METTL15: variants seen among roughly 807,000 people sequenced by gnomAD.
METTL15 encodes 12S rRNA N(4)-cytidine methyltransferase METTL15.
A neutral mutation model predicts 38.3 loss-of-function variants in METTL15; 34 were observed. The ratio of observed to expected loss-of-function variants is 0.89; its 90% CI spans 0.68 to 1.18. METTL15 has a LOEUF of 1.18. Among genes scored for constraint, METTL15 ranks in the 50% most tolerant of loss-of-function variants. The probability of loss-of-function intolerance (pLI) is 0.00; values close to 1 mark genes in which losing one functional copy is unlikely to be tolerated. For synonymous variants in METTL15, 162 were observed against 170.9 expected (o/e 0.95, Z 0.41); for missense variants, 438 against 498.4 (o/e 0.88, Z 1.15).
intron 3 of METTL15, among the ~76,000 whole-genome samples, chr11:28,181,259 A>ATTTTTTTTTTTTTTTTTTTTTTTTTTTTT (rs71449171): frequency 3.0e-5 from 4 of 133,796 alleles, no homozygotes; most frequent in Non-Finnish European, 3.2e-5. Flanking sequence ...TTAATTTTTA[A>ATTTTTTTTTTTTTTTTTTTTTTTTTTTTT]TTTTTTTTTT....
At chr11:28,213,798 G>C (rs1244515610) in intron 4 of METTL15, among the ~76,000 whole-genome samples, 1 of 151,690 alleles carries the variant, frequency 6.6e-6, no homozygotes, top group Non-Finnish European at 1.5e-5. Context: ...TGGGACTATA[G>C]GCGCTTGTCA....
chr11:28,204,848 C>T (rs987593285), intron 3 of METTL15, among the ~76,000 whole-genome samples: 2 of 151,628 alleles, frequency 1.3e-5, no homozygotes, highest in Admixed American at 6.6e-5. Flanking sequence ...GATTTCTTTA[C>T]GATTATACAG....
intron 6 of METTL15, among the ~76,000 whole-genome samples, chr11:28,468,868 G>A (rs1851279520): frequency 6.6e-6 from 1 of 152,088 alleles, no homozygotes. Flanking sequence ...TGAATCCCAG[G>A]TGGCACTCAG....
chr11:28,491,564 AAT>A (rs1851494795), intron 6 of METTL15, among the ~76,000 whole-genome samples: 2 of 152,024 alleles, frequency 1.3e-5, no homozygotes, highest in African/African-American at 2.4e-5. Context: ...CAGTTGCAAA[AAT>A]AGAGGGGCAG....
intron 4 of METTL15, among the ~76,000 whole-genome samples, chr11:28,271,214 C>G (rs1433604042): frequency 6.6e-6 from 1 of 152,020 alleles, no homozygotes; most frequent in Non-Finnish European, 1.5e-5. Flanking sequence ...CCACAAATAC[C>G]CTTACAATAA....
chr11:28,199,916 G>T (rs1289635568), intron 3 of METTL15, among the ~76,000 whole-genome samples: 1 of 151,792 alleles, frequency 6.6e-6, no homozygotes, highest in Non-Finnish European at 1.5e-5. Context: ...GTAATTTTTT[G>T]TATTTTTAGT....
At chr11:28,302,683 A>G (rs1245128733) in intron 6 of METTL15, among the ~76,000 whole-genome samples, 1 of 152,144 alleles carries the variant, frequency 6.6e-6, no homozygotes, top group Non-Finnish European at 1.5e-5. Context: ...AGTCTTGGGT[A>G]TGTCTTTATC....
rs1387339312 is a variant in METTL15 at position 28,238,633 on chromosome 11, G to T, written c.407+27435G>T. 2.6e-5 allele frequency among the ~76,000 whole-genome samples: 4 copies of T among 152,206 alleles called. No individual in the cohort carries two copies. The East Asian group carries it at 5.8e-4, about 22-fold the overall frequency. On this transcript the variant is annotated intron_variant, in intron 4 of 6. Coordinates refer to ENST00000407364, the MANE Select transcript of METTL15 (RefSeq NM_001113528.2). ...ACCCACTGTCCTGCGCCCACTGTCT[G>T]GCACTCCCTAGTGAGATGAACCCGG...
intron 4 of METTL15, among the ~76,000 whole-genome samples, chr11:28,284,834 AT>A (rs1231446523): frequency 1.3e-5 from 2 of 152,096 alleles, no homozygotes; most frequent in African/African-American, 2.4e-5. Context: ...CATGGAGAAT[AT>A]TTTTTTATAT....
At chr11:28,426,018 G>C (rs1850861094) in intron 6 of METTL15, among the ~76,000 whole-genome samples, 1 of 152,100 alleles carries the variant, frequency 6.6e-6, no homozygotes, top group Non-Finnish European at 1.5e-5. Flanking sequence ...TGTGTGCCAT[G>C]GTGGTTTGCT....
chr11:28,196,339 G>A (rs1431239755), intron 3 of METTL15, among the ~76,000 whole-genome samples: 1 of 151,834 alleles, frequency 6.6e-6, no homozygotes, highest in Non-Finnish European at 1.5e-5. Flanking sequence ...ATGAACGTAG[G>A]ATGTATTTCC....
At chr11:28,427,886 C>A (rs982514273) in intron 6 of METTL15, among the ~76,000 whole-genome samples, 3 of 152,166 alleles carry the variant, frequency 2.0e-5, no homozygotes, top group Non-Finnish European at 4.4e-5. Flanking sequence ...GACTTCCTGT[C>A]TTTCTATTAG....
intron 1 of METTL15, among the ~76,000 whole-genome samples, chr11:28,109,600 T>G (rs747970532): frequency 7.2e-5 from 11 of 152,246 alleles, no homozygotes; most frequent in Non-Finnish European, 4.4e-5. Flanking sequence ...AAATACTTTC[T>G]GGATTAAGTG....
chr11:28,241,714 A>G lies in METTL15; in HGVS notation c.407+30516A>G, dbSNP rs369599270. Among the ~76,000 whole-genome samples, 52 of 152,292 alleles carry G rather than the reference A, an allele frequency of 3.4e-4. 1 individual carries two copies. In the East Asian group the frequency reaches 6.4e-3, roughly 19 times the overall value. ...AATGGAATGAATCTGAGAAGATAGC[A>G]TTCAGGCAAAGGAAAAGCCAGAGCA... is the stretch of plus-strand genomic sequence containing the variant. On this transcript the variant is annotated intron_variant, in intron 4 of 6. Transcript: ENST00000407364.
chr11:28,281,520 A>T (rs1358778291), intron 4 of METTL15, among the ~76,000 whole-genome samples: 1 of 152,000 alleles, frequency 6.6e-6, no homozygotes, highest in African/African-American at 2.4e-5. Context: ...TAGCTCTCTG[A>T]TTCCTTCAAA....
chr11:28,176,229 G>A (rs1425439491), intron 3 of METTL15, among the ~76,000 whole-genome samples: 1 of 152,072 alleles, frequency 6.6e-6, no homozygotes, highest in Admixed American at 6.6e-5. Flanking sequence ...CTGTAATCCT[G>A]CTGTTAAACT....
intron 6 of METTL15, among the ~76,000 whole-genome samples, chr11:28,299,639 A>G (rs938675146): frequency 6.6e-6 from 1 of 152,144 alleles, no homozygotes; most frequent in African/African-American, 2.4e-5. Flanking sequence ...TGTCCAGTCC[A>G]ATAAATCAAG....
At chr11:28,213,809 C>T (rs962536360) in intron 4 of METTL15, among the ~76,000 whole-genome samples, 1 of 151,700 alleles carries the variant, frequency 6.6e-6, no homozygotes, top group Non-Finnish European at 1.5e-5. Context: ...GCGCTTGTCA[C>T]CGTGCCTGGC....
rs537363513 is a variant in METTL15, at chr11:28,129,621, G to A, written c.270+16017G>A. ...GATGGGATTTCACCGTGTTGGCCAG[G>A]CTGATCTTGAACTCCTGACCTCAAG... On this transcript the variant is annotated intron_variant, in intron 3 of 6. Transcript: ENST00000407364. Among the ~76,000 whole-genome samples the A allele has an allele frequency of 2.0e-3, 299 of 152,184 alleles. 1 individual carries two copies. Among genetic ancestry groups the A allele is most frequent in the African/African-American group, 5.9e-3 (247 of 41,522 alleles).
Sources: gnomAD v4.1 joint callset for allele counts (sites outside exome capture counted in the v4.1 genomes callset) on GRCh38, gnomAD v4.1.1 for gene constraint, MANE v1.5 for transcripts, NCBI Gene and HGNC (gene_info 2026-07-23, HGNC 2026-07-21) for gene names.